CRIM1: variants seen among roughly 807,000 people sequenced by gnomAD.
The protein encoded by CRIM1 is cysteine-rich motor neuron 1 protein.
A neutral mutation model predicts 116.4 loss-of-function variants in CRIM1; 32 were observed. That is an observed-to-expected ratio of 0.27 (90% CI 0.21 to 0.37). The LOEUF is 0.37. CRIM1 is among the 10% of genes least tolerant of loss of function. The pLI is 1.00. For missense variants in CRIM1, 1,331 were observed against 1,354.8 expected (o/e 0.98, Z 0.28); for synonymous variants, 590 against 509.2 (o/e 1.16, Z -2.13).
At chr2:36,465,266 C>A (rs1406000200) in intron 5 of CRIM1, among the ~76,000 whole-genome samples, 1 of 152,172 alleles carries the variant, frequency 6.6e-6, no homozygotes, top group Non-Finnish European at 1.5e-5. Context: ...CTCTCCCTTT[C>A]ACTTTATATG....
chr2:36,547,791 A>G (rs750987006), intron 16 of CRIM1, among the ~76,000 whole-genome samples: 3 of 152,202 alleles, frequency 2.0e-5, no homozygotes, highest in Non-Finnish European at 2.9e-5. Context: ...AAATCTGCCT[A>G]TTTTGAAAGA....
intron 7 of CRIM1, among the ~76,000 whole-genome samples, chr2:36,485,697 A>G (rs1679763588): frequency 6.6e-6 from 1 of 152,240 alleles, no homozygotes; most frequent in South Asian, 2.1e-4. Context: ...TGACCCCAAG[A>G]GGCAGTGAAG....
chr2:36,413,033 G>T (rs576469198), intron 2 of CRIM1, among the ~76,000 whole-genome samples: 1 of 152,204 alleles, frequency 6.6e-6, no homozygotes, highest in African/African-American at 2.4e-5. Context: ...GGTAGTAAAT[G>T]TGAAATGGGC....
At chr2:36,472,009 T>A (rs1678564959) in intron 5 of CRIM1, among the ~76,000 whole-genome samples, 1 of 152,096 alleles carries the variant, frequency 6.6e-6, no homozygotes, top group Non-Finnish European at 1.5e-5. Context: ...GTACTAATAG[T>A]CTATATTACA....
chr2:36,469,784 A>G (rs1375386987), intron 5 of CRIM1, among the ~76,000 whole-genome samples: 1 of 152,162 alleles, frequency 6.6e-6, no homozygotes, highest in Non-Finnish European at 1.5e-5. Context: ...GCAATACTCC[A>G]CTCAGTATGT....
At chr2:36,458,099 A>G (rs3770872) in intron 4 of CRIM1, among the ~76,000 whole-genome samples, 40,363 of 152,024 alleles carry the variant, frequency 0.27, 5,801 homozygotes, top group African/African-American at 0.38. Flanking sequence ...TCCAGTATTG[A>G]AAGAAATCTT....
intron 5 of CRIM1, among the ~76,000 whole-genome samples, chr2:36,467,412 G>GTGTT (rs1678133918): frequency 6.6e-6 from 1 of 152,176 alleles, no homozygotes; most frequent in South Asian, 2.1e-4. Context: ...ATAGATGAAT[G>GTGTT]TGTCTGTGTA....
intron 4 of CRIM1, among the ~76,000 whole-genome samples, chr2:36,443,553 C>A (rs1676019147): frequency 6.6e-6 from 1 of 152,168 alleles, no homozygotes; most frequent in Non-Finnish European, 1.5e-5. Flanking sequence ...TTTCAGCTTT[C>A]GTTCTGCGTT....
At chr2:36,443,258 A>G (rs1220333383) in intron 4 of CRIM1, among the ~76,000 whole-genome samples, 1 of 152,146 alleles carries the variant, frequency 6.6e-6, no homozygotes, top group African/African-American at 2.4e-5. Flanking sequence ...GACTGCGGGG[A>G]AGAGCCACTG....
At chr2:36,511,960 T>C (rs1340233148) in intron 9 of CRIM1, among the ~76,000 whole-genome samples, 1 of 152,242 alleles carries the variant, frequency 6.6e-6, no homozygotes, top group Non-Finnish European at 1.5e-5. Flanking sequence ...TTCCTATTCA[T>C]GGAGTTGCAC....
intron 2 of CRIM1, among the ~76,000 whole-genome samples, chr2:36,417,418 T>C (rs567415130): frequency 1.7e-4 from 26 of 152,362 alleles, no homozygotes; most frequent in African/African-American, 6.3e-4. Context: ...CTAAGGTGGT[T>C]CATGGCAGTA....
chr2:36,424,892 C>G (rs773154946), intron 2 of CRIM1, among the ~76,000 whole-genome samples: 14 of 152,190 alleles, frequency 9.2e-5, no homozygotes, highest in Non-Finnish European at 1.9e-4. Flanking sequence ...CTGCAGTCAC[C>G]TCTTTGATTA....
intron 14 of CRIM1, among the ~76,000 whole-genome samples, chr2:36,539,042 G>C (rs1008274119): frequency 6.6e-6 from 1 of 152,226 alleles, no homozygotes; most frequent in Non-Finnish European, 1.5e-5. Flanking sequence ...CGGAGCTTAC[G>C]TTGTAGTAGG....
At chr2:36,452,924 T>G (rs536643309) in intron 4 of CRIM1, among the ~76,000 whole-genome samples, 46 of 152,314 alleles carry the variant, frequency 3.0e-4, no homozygotes, top group African/African-American at 1.0e-3. Context: ...GTGATAATAT[T>G]GAAACTCAGA....
intron 14 of CRIM1, among the ~76,000 whole-genome samples, chr2:36,539,011 T>G (rs1237695566): frequency 6.6e-6 from 1 of 152,176 alleles, no homozygotes; most frequent in Non-Finnish European, 1.5e-5. Flanking sequence ...GACACAGCAG[T>G]GAACCAAATA....
intron 2 of CRIM1, among the ~76,000 whole-genome samples, chr2:36,398,833 T>G (rs1414416511): frequency 6.6e-6 from 1 of 152,232 alleles, no homozygotes; most frequent in Non-Finnish European, 1.5e-5. Context: ...TTCAGGTATA[T>G]ATTGTATATG....
At chr2:36,380,660 T>C (rs1478283589) in intron 1 of CRIM1, among the ~76,000 whole-genome samples, 1 of 152,108 alleles carries the variant, frequency 6.6e-6, no homozygotes, top group East Asian at 1.9e-4. Flanking sequence ...AAGGGGAAGA[T>C]TTTGCTTTGG....
At chr2:36,484,122 G>A (rs774781494) in intron 7 of CRIM1, among the ~76,000 whole-genome samples, 1 of 152,164 alleles carries the variant, frequency 6.6e-6, no homozygotes, top group Non-Finnish European at 1.5e-5. Flanking sequence ...TGTGTATTCT[G>A]TGGTTTATTC....
At chr2:36,528,688 T>C (rs1161224113) in intron 13 of CRIM1, among the ~76,000 whole-genome samples, 1 of 152,156 alleles carries the variant, frequency 6.6e-6, no homozygotes, top group African/African-American at 2.4e-5. Flanking sequence ...CAGTTAGTGC[T>C]AAAAAGATTG....
Sources: allele counts gnomAD v4.1 joint callset (sites outside exome capture counted in the v4.1 genomes callset), GRCh38; gene constraint gnomAD v4.1.1; transcripts MANE v1.5; gene names NCBI Gene and HGNC (gene_info 2026-07-23, HGNC 2026-07-21).